CFAP299: variants seen among roughly 807,000 people sequenced by gnomAD.
CFAP299 encodes cilia- and flagella-associated protein 299.
A neutral mutation model predicts 27.0 loss-of-function variants in CFAP299; 21 were observed. The observed-to-expected ratio is 0.78, with a 90% CI of 0.55 to 1.12. The LOEUF is 1.12. Ranked by LOEUF, CFAP299 falls within the 50% of genes most tolerant of loss-of-function variation. The pLI is 0.00. For missense variants in CFAP299, 310 were observed against 276.6 expected, an observed-to-expected ratio of 1.12 and a Z score of -0.86; for synonymous variants, 104 against 98.1, an observed-to-expected ratio of 1.06 and a Z score of -0.36.
intron 2 of CFAP299, chr4:80,388,172 G>C: frequency 1.5e-6 from 1 of 682,686 alleles, no homozygotes; most frequent in Non-Finnish European, 2.7e-6. Flanking sequence ...GGGCAGTGGT[G>C]GAGGAGGGGG....
intron 3 of CFAP299, among the ~76,000 whole-genome samples, chr4:80,725,961 A>G (rs893451346): frequency 6.6e-6 from 1 of 152,224 alleles, no homozygotes; most frequent in Non-Finnish European, 1.5e-5. Context: ...ACTCACTGGC[A>G]GCTACATGCA....
intron 3 of CFAP299, among the ~76,000 whole-genome samples, chr4:80,688,062 G>C (rs925251326): frequency 6.6e-6 from 1 of 152,222 alleles, no homozygotes; most frequent in Non-Finnish European, 1.5e-5. Flanking sequence ...CTCGCTGATT[G>C]GTAGCACAGC....
At chr4:80,619,977 T>C (rs1053749572) in intron 3 of CFAP299, among the ~76,000 whole-genome samples, 2 of 152,062 alleles carry the variant, frequency 1.3e-5, no homozygotes, top group African/African-American at 4.8e-5. Flanking sequence ...TAATGAAAAA[T>C]ACCATCAATA....
chr4:80,591,131 T>A (rs867771578), intron 3 of CFAP299, among the ~76,000 whole-genome samples: 37 of 137,146 alleles, frequency 2.7e-4, no homozygotes, highest in African/African-American at 4.9e-4. Flanking sequence ...TTTTTTTTTT[T>A]ATTTTTTTTT....
At chr4:80,650,057 A>G (rs1740209352) in intron 3 of CFAP299, among the ~76,000 whole-genome samples, 1 of 152,100 alleles carries the variant, frequency 6.6e-6, no homozygotes, top group South Asian at 2.1e-4. Context: ...TGACAAAATA[A>G]TCATACAGAA....
intron 2 of CFAP299, among the ~76,000 whole-genome samples, chr4:80,553,077 T>A (rs1333465154): frequency 1.3e-5 from 2 of 152,058 alleles, no homozygotes; most frequent in Non-Finnish European, 2.9e-5. Flanking sequence ...GTCATGGAAG[T>A]TTGTGGTACA....
intron 2 of CFAP299, among the ~76,000 whole-genome samples, chr4:80,475,543 A>G (rs1452302441): frequency 6.6e-6 from 1 of 152,174 alleles, no homozygotes; most frequent in African/African-American, 2.4e-5. Flanking sequence ...TCATTAACTG[A>G]CACTGGAAGA....
Position 80,583,072 on chromosome 4 carries a change from C to T in CFAP299, c.243-21C>T, listed in dbSNP as rs370746109. 5 of 1,519,352 alleles carry T rather than the reference C, an allele frequency of 3.3e-6. No homozygotes were observed. In the African/African-American group the frequency reaches 6.9e-5, roughly 21 times the overall value. The allele number at this position is 1,519,352 out of a possible 1,614,324, so 94.1% of individuals were successfully genotyped here. A position where few individuals can be genotyped will look rare whatever the true frequency, so the allele number is the denominator to read the frequency against. On this transcript the variant is annotated intron_variant, in intron 2 of 5. Transcript: ENST00000358105. ...ATATTTGTTATCTAATATATTATAA[C>T]TGAAGATCTGCCTTTTACAGGACGC... is the stretch of plus-strand genomic sequence containing the variant.
intron 3 of CFAP299, among the ~76,000 whole-genome samples, chr4:80,608,861 A>ATGTGTGTG (rs33963629): frequency 1.3e-4 from 19 of 146,904 alleles, no homozygotes; most frequent in South Asian, 6.4e-4. Flanking sequence ...TACACGATGC[A>ATGTGTGTG]TGTGTGTGTG....
intron 2 of CFAP299, among the ~76,000 whole-genome samples, chr4:80,383,968 A>G (rs1018208338): frequency 2.6e-5 from 4 of 152,118 alleles, no homozygotes; most frequent in Admixed American, 2.0e-4. Flanking sequence ...GAGACATTCA[A>G]TATAACATGG....
chr4:80,327,703 T>TATATATATATATATATAACTTCAATAC, the CFAP299 span, among the ~76,000 whole-genome samples: 9 of 133,166 alleles, frequency 6.8e-5, no homozygotes, highest in Admixed American at 1.5e-4. Context: ...TATATATATA[T>TATATATATATATATATAACTTCAATAC]ATATATATAT....
At chr4:80,415,347 A>C (rs994911139) in intron 2 of CFAP299, among the ~76,000 whole-genome samples, 12 of 152,174 alleles carry the variant, frequency 7.9e-5, no homozygotes, top group Non-Finnish European at 2.9e-5. Context: ...AGGTCTAATA[A>C]AAAATACTCT....
chr4:80,504,417 C>T (rs1431458548), intron 2 of CFAP299, among the ~76,000 whole-genome samples: 2 of 128,626 alleles, frequency 1.6e-5, no homozygotes, highest in East Asian at 4.7e-4. Context: ...AACTTCTGTA[C>T]TTTACTTACT....
chr4:80,738,888 T>A (rs963185559), intron 3 of CFAP299, among the ~76,000 whole-genome samples: 2 of 152,016 alleles, frequency 1.3e-5, no homozygotes, highest in Non-Finnish European at 2.9e-5. Context: ...CTTAGTTTTT[T>A]AATTTTTTTG....
intron 3 of CFAP299, among the ~76,000 whole-genome samples, chr4:80,838,798 G>A (rs1730706069): frequency 1.3e-5 from 2 of 152,040 alleles, no homozygotes; most frequent in Non-Finnish European, 2.9e-5. Flanking sequence ...ATTATATGAA[G>A]AAAGTCAATG....
intron 4 of CFAP299, among the ~76,000 whole-genome samples, chr4:80,906,248 C>G (rs1735179939): frequency 6.6e-6 from 1 of 152,240 alleles, no homozygotes; most frequent in Non-Finnish European, 1.5e-5. Flanking sequence ...GACTCCATGT[C>G]TCACACCCAT....
At chr4:80,864,516 A>G (rs1407118471) in intron 3 of CFAP299, among the ~76,000 whole-genome samples, 1 of 147,672 alleles carries the variant, frequency 6.8e-6, no homozygotes, top group African/African-American at 2.5e-5. Flanking sequence ...ATACCTATAT[A>G]TACGTATATA....
intron 4 of CFAP299, among the ~76,000 whole-genome samples, chr4:80,906,765 C>A (rs1735206288): frequency 6.6e-6 from 1 of 152,110 alleles, no homozygotes; most frequent in Admixed American, 6.6e-5. Context: ...GGACACAGAG[C>A]ACCATGTCTC....
intron 2 of CFAP299, among the ~76,000 whole-genome samples, chr4:80,441,120 T>G (rs1406737440): frequency 6.6e-6 from 1 of 152,210 alleles, no homozygotes; most frequent in Non-Finnish European, 1.5e-5. Context: ...GGAACCCAGT[T>G]GGAAAACACT....
Sources: gnomAD v4.1 joint callset for allele counts (sites outside exome capture counted in the v4.1 genomes callset) on GRCh38, gnomAD v4.1.1 for gene constraint, MANE v1.5 for transcripts, NCBI Gene and HGNC (gene_info 2026-07-23, HGNC 2026-07-21) for gene names.